Variants in AGMO observed in about 807,000 individuals in gnomAD.
AGMO encodes alkylglycerol monooxygenase.
In AGMO, 75 loss-of-function variants were observed where a neutral mutation model predicts 60.2. That is an observed-to-expected ratio of 1.25 (90% CI 1.03 to 1.51). The LOEUF (loss-of-function observed/expected upper bound fraction) is 1.51. Among genes scored for constraint, AGMO ranks in the 40% most tolerant of loss-of-function variants. The probability of loss-of-function intolerance (pLI) is 0.00; values close to 1 mark genes in which losing one functional copy is unlikely to be tolerated. For missense variants in AGMO, 763 were observed against 525.5 expected (o/e 1.45, Z -4.42); for synonymous variants, 261 against 177.1 (o/e 1.47, Z -3.76).
chr7:15,531,086 A>ATATATTCTATATATATTCTG (rs1784316023), intron 3 of AGMO, among the ~76,000 whole-genome samples: 1 of 16,726 alleles, frequency 6.0e-5, no homozygotes. Context: ...TATATTCTAT[A>ATATATTCTATATATATTCTG]TATATATTCT....
intron 6 of AGMO, 100 bp downstream of exon 6, chr7:15,394,013 C>T: frequency 1.5e-6 from 1 of 687,188 alleles, no homozygotes. Context: ...AAAATGTGTG[C>T]TGACTATATT....
intron 6 of AGMO, among the ~76,000 whole-genome samples, chr7:15,393,060 T>G (rs1784215873): frequency 6.6e-6 from 1 of 152,244 alleles, no homozygotes; most frequent in Non-Finnish European, 1.5e-5. Flanking sequence ...GGATCACATT[T>G]GCATCACTGT....
intron 12 of AGMO, among the ~76,000 whole-genome samples, chr7:15,348,988 T>C (rs1179692608): frequency 6.6e-6 from 1 of 152,160 alleles, no homozygotes; most frequent in African/African-American, 2.4e-5. Context: ...CACATGCTTA[T>C]TATAAACCAC....
At chr7:15,229,849 C>T (rs1023196850) in intron 12 of AGMO, among the ~76,000 whole-genome samples, 2 of 150,364 alleles carry the variant, frequency 1.3e-5, no homozygotes, top group Non-Finnish European at 3.0e-5. Flanking sequence ...ATATTTGATA[C>T]TGTAGAATTC....
chr7:15,365,441 A>ACAT, intron 12 of AGMO, 73 bp downstream of exon 12: 1 of 941,700 alleles, frequency 1.1e-6, no homozygotes, highest in Non-Finnish European at 1.6e-6. Context: ...AGTAGAGAAA[A>ACAT]CATCCTTGAA....
intron 3 of AGMO, among the ~76,000 whole-genome samples, chr7:15,498,312 G>A (rs1365964412): frequency 2.0e-5 from 3 of 151,874 alleles, no homozygotes; most frequent in African/African-American, 7.2e-5. Context: ...ATCAAAGAAA[G>A]GTAGTTAGTG....
At chr7:15,158,318 G>C in the AGMO span, among the ~76,000 whole-genome samples, 1 of 152,064 alleles carries the variant, frequency 6.6e-6, no homozygotes, top group East Asian at 1.9e-4. Context: ...ATAGGACACG[G>C]GTGTTTCAGG....
chr7:15,281,874 G>C (rs892513310), intron 12 of AGMO, among the ~76,000 whole-genome samples: 3 of 152,090 alleles, frequency 2.0e-5, no homozygotes, highest in African/African-American at 7.2e-5. Context: ...CCTCACAGGA[G>C]ACAGTGAATT....
intron 12 of AGMO, among the ~76,000 whole-genome samples, chr7:15,355,504 C>CAGAAA (rs1782494463): frequency 1.2e-5 from 1 of 81,736 alleles, no homozygotes; most frequent in Non-Finnish European, 2.2e-5. Context: ...GACTCTGTCT[C>CAGAAA]AAAAAAAAAA....
At chr7:15,531,886 C>A (rs1784377723) in intron 3 of AGMO, among the ~76,000 whole-genome samples, 1 of 151,692 alleles carries the variant, frequency 6.6e-6, no homozygotes, top group South Asian at 2.1e-4. Context: ...CCAAGCTGGT[C>A]TCGAACTCTT....
At chr7:15,454,901 C>G (rs1429126916) in intron 3 of AGMO, among the ~76,000 whole-genome samples, 1 of 152,086 alleles carries the variant, frequency 6.6e-6, no homozygotes, top group African/African-American at 2.4e-5. Flanking sequence ...TCCCACTTAC[C>G]AGATGCAACC....
At chr7:15,178,803 T>C in the AGMO span, among the ~76,000 whole-genome samples, 1 of 152,090 alleles carries the variant, frequency 6.6e-6, no homozygotes, top group Non-Finnish European at 1.5e-5. Flanking sequence ...TGGTAATTTA[T>C]TTATTTACTT....
chr7:15,284,861 A>C (rs1784058602), intron 12 of AGMO, among the ~76,000 whole-genome samples: 1 of 152,160 alleles, frequency 6.6e-6, no homozygotes, highest in African/African-American at 2.4e-5. Flanking sequence ...CCAACAACAC[A>C]TCAAAAAGAT....
chr7:15,493,334 AACACAC>A lies in AGMO; in HGVS notation c.409+51432_409+51437del, dbSNP rs144549105. Among the ~76,000 whole-genome samples, 158 of 70,378 alleles carry A rather than the reference AACACAC, an allele frequency of 2.2e-3. 3 individuals are homozygous for A. The highest frequency in any genetic ancestry group is 0.019 in the South Asian group (36 of 1,886). 46.2% of individuals were successfully genotyped at this position (70,378 alleles called of 152,430 possible). On this transcript the variant is annotated intron_variant, in intron 3 of 12. Coordinates refer to ENST00000342526, the MANE Select transcript of AGMO (RefSeq NM_001004320.2). The stretch of plus-strand genomic sequence containing the variant: ...GACACACACGCGCACAAACACACAA[AACACAC>A]ACACACACACACACACACACACTTC...
At chr7:15,498,624 A>G (rs936728227) in intron 3 of AGMO, among the ~76,000 whole-genome samples, 1 of 151,998 alleles carries the variant, frequency 6.6e-6, no homozygotes, top group Non-Finnish European at 1.5e-5. Context: ...AAATCAAAAC[A>G]ATGTGCTTTA....
intron 4 of AGMO, among the ~76,000 whole-genome samples, chr7:15,424,316 A>C (rs2128496106): frequency 6.6e-6 from 1 of 152,288 alleles, no homozygotes; most frequent in South Asian, 2.1e-4. Context: ...GCTAGTCAAA[A>C]GTATATGTGG....
At chr7:15,124,599 C>G in the AGMO span, among the ~76,000 whole-genome samples, 1 of 152,088 alleles carries the variant, frequency 6.6e-6, no homozygotes, top group East Asian at 1.9e-4. Context: ...TCCCAGTCTT[C>G]TGATCTTTAG....
intron 12 of AGMO, among the ~76,000 whole-genome samples, chr7:15,238,331 G>GT (rs1281597566): frequency 5.3e-5 from 8 of 151,806 alleles, no homozygotes; most frequent in Admixed American, 5.3e-4. Context: ...GAAGGAATAA[G>GT]TTATAGTATT....
chr7:15,118,817 C>G, the AGMO span, among the ~76,000 whole-genome samples: 1 of 147,946 alleles, frequency 6.8e-6, no homozygotes, highest in East Asian at 2.1e-4. Context: ...CTTAGTGTCA[C>G]ATTTCCAGTT....
Sources: gnomAD v4.1 joint callset for allele counts (sites outside exome capture counted in the v4.1 genomes callset) on GRCh38, gnomAD v4.1.1 for gene constraint, MANE v1.5 for transcripts, NCBI Gene and HGNC (gene_info 2026-07-23, HGNC 2026-07-21) for gene names.